Variants in PDE4C observed in about 807,000 individuals in gnomAD.
The protein encoded by PDE4C is 3',5'-cyclic-AMP phosphodiesterase 4C.
In PDE4C, 50 loss-of-function variants were observed where a neutral mutation model predicts 63.9. That is an observed-to-expected ratio of 0.78 (90% CI 0.62 to 0.99). PDE4C has a LOEUF of 0.99. PDE4C is among the 50% of genes least tolerant of loss of function. The pLI, the probability that PDE4C is intolerant of heterozygous loss-of-function variation, is 0.00. For synonymous variants in PDE4C, 377 were observed against 385.1 expected, an observed-to-expected ratio of 0.98 and a Z score of 0.25; for missense variants, 777 against 899.1, an observed-to-expected ratio of 0.86 and a Z score of 1.74.
upstream of PDE4C, chr19:18,250,313 A>G: frequency 2.5e-6 from 1 of 399,082 alleles, no homozygotes; most frequent in Non-Finnish European, 4.4e-6. Flanking sequence ...CTACCTTACC[A>G]TGGACACCTC....
At chr19:18,248,753 G>A (rs1186149634), upstream of PDE4C, among the ~76,000 whole-genome samples, 4 of 152,188 alleles carry the variant, frequency 2.6e-5, no homozygotes, top group East Asian at 3.9e-4. Context: ...GGCTGGGCGC[G>A]GTGGCTCACG....
At position 18,221,251 on chromosome 19, in the gene PDE4C, G is replaced by A. The variant is rs897139729; in HGVS notation, c.375+10C>T. Reference sequence around the variant, plus strand: ...AGGGGGTCAGGGCAGGGAGGGCGGGGGACACCCACCTGGGCAAAGGGCGTC... The same window carrying A: ...AGGGGGTCAGGGCAGGGAGGGCGGGAGACACCCACCTGGGCAAAGGGCGTC... On this transcript the variant is annotated intron_variant, in intron 3 of 14. Coordinates refer to ENST00000262805, the Ensembl canonical transcript of PDE4C. 4.5e-6 allele frequency: 7 copies of A among 1,547,218 alleles called. No homozygotes were observed. The Admixed American group carries it at 1.4e-4, about 32-fold the overall frequency.
intron 1 of PDE4C, among the ~76,000 whole-genome samples, chr19:18,247,214 G>A (rs1388235222): frequency 1.3e-5 from 2 of 152,202 alleles, no homozygotes; most frequent in Non-Finnish European, 2.9e-5. Context: ...TGGACAGTTG[G>A]ATCAGGTCCC....
At chr19:18,214,665 C>A (rs1968111074) in intron 12 of PDE4C, among the ~76,000 whole-genome samples, 1 of 151,816 alleles carries the variant, frequency 6.6e-6, no homozygotes, top group South Asian at 2.1e-4. Flanking sequence ...CCAGATTAAC[C>A]CAGCCGGGCG....
chr19:18,242,530 C>T (rs961027023), intron 1 of PDE4C, among the ~76,000 whole-genome samples: 3 of 146,794 alleles, frequency 2.0e-5, no homozygotes, highest in African/African-American at 5.0e-5. Flanking sequence ...ACCTGTAATC[C>T]CAGCATTTTG....
At chr19:18,247,663 C>G (rs184003460) in intron 1 of PDE4C, among the ~76,000 whole-genome samples, 62 of 152,300 alleles carry the variant, frequency 4.1e-4, no homozygotes, top group African/African-American at 1.3e-3. Context: ...ACCCCCACCC[C>G]CTACTCACTT....
At chr19:18,217,113 T>A in intron 11 of PDE4C, 1 of 478,924 alleles carries the variant, frequency 2.1e-6, no homozygotes, top group Non-Finnish European at 3.7e-6. Flanking sequence ...CTGGGAAGGC[T>A]CCTCATGGAC....
At chr19:18,235,982 G>A (rs774815721), upstream of PDE4C, among the ~76,000 whole-genome samples, 3 of 151,646 alleles carry the variant, frequency 2.0e-5, no homozygotes, top group African/African-American at 2.4e-5. Flanking sequence ...AGATGGAGTC[G>A]CCCAGGCTGG....
At chr19:18,221,055 C>CCCCCCCCCCCCCCCCCCCCCCAGTGA in intron 4 of PDE4C, 50 bp downstream of exon 4, 1 of 763,410 alleles carries the variant, frequency 1.3e-6, no homozygotes, top group Non-Finnish European at 1.8e-6. Context: ...GCTTTCCGCC[C>CCCCCCCCCCCCCCCCCCCCCCAGTGA]ACCTTGTCTC....
At chr19:18,253,917 G>C in the PDE4C span, among the ~76,000 whole-genome samples, 1 of 152,154 alleles carries the variant, frequency 6.6e-6, no homozygotes, top group African/African-American at 2.4e-5. Flanking sequence ...TCAACTCTCT[G>C]CTCCACCCAT....
At chr19:18,236,545 A>C (rs1037679721), upstream of PDE4C, among the ~76,000 whole-genome samples, 4 of 152,106 alleles carry the variant, frequency 2.6e-5, no homozygotes, top group African/African-American at 7.2e-5. Flanking sequence ...TTTAAATGCC[A>C]CTTCTTCCAG....
chr19:18,212,044 G>C (rs1384708507), intron 13 of PDE4C, 103 bp from the exon 14 acceptor site: 50 of 1,183,080 alleles, frequency 4.2e-5, no homozygotes, highest in Non-Finnish European at 5.8e-5. Context: ...TCATCTTACA[G>C]GTGGGGAAAC....
chr19:18,226,495 G>A (rs1271279633), upstream of PDE4C: 3 of 1,224,272 alleles, frequency 2.5e-6, no homozygotes, highest in African/African-American at 1.6e-5. Flanking sequence ...GGGGCCCAGC[G>A]GGGAGGGGGC....
At chr19:18,222,952 C>T (rs1177984288) in intron 1 of PDE4C, among the ~76,000 whole-genome samples, 3 of 151,860 alleles carry the variant, frequency 2.0e-5, no homozygotes, top group Admixed American at 6.6e-5. Context: ...CTCCCAGCTC[C>T]GCCTCCCAAA....
chr19:18,242,424 C>T (rs889557766), intron 1 of PDE4C, among the ~76,000 whole-genome samples: 2 of 130,108 alleles, frequency 1.5e-5, no homozygotes, highest in South Asian at 2.5e-4. Context: ...TGCAGTAAGC[C>T]GAGGTTGCAC....
chr19:18,219,284 T>C (rs758494391), exon 8 of PDE4C: 1 of 1,614,212 alleles, frequency 6.2e-7, no homozygotes, highest in East Asian at 2.2e-5. Flanking sequence ...CGTGGGACAG[T>C]GGCTGAGGAG....
At chr19:18,219,822 C>CAA (rs756859802) in intron 7 of PDE4C, among the ~76,000 whole-genome samples, 3 of 139,768 alleles carry the variant, frequency 2.1e-5, no homozygotes, top group Admixed American at 7.2e-5. Flanking sequence ...AACTCTGTAT[C>CAA]AAAAAAAAAA....
chr19:18,235,853 C>T (rs1322144590), upstream of PDE4C, among the ~76,000 whole-genome samples: 1 of 151,964 alleles, frequency 6.6e-6, no homozygotes, highest in Non-Finnish European at 1.5e-5. Flanking sequence ...TTTATACATT[C>T]TGTTCCTTCT....
intron 1 of PDE4C, among the ~76,000 whole-genome samples, chr19:18,224,954 A>G (rs879637314): frequency 2.0e-5 from 3 of 152,178 alleles, no homozygotes; most frequent in Non-Finnish European, 4.4e-5. Context: ...GGCTCTCCCC[A>G]AGGGTTCCAG....
Sources: allele counts gnomAD v4.1 joint callset (sites outside exome capture counted in the v4.1 genomes callset), GRCh38; gene constraint gnomAD v4.1.1; transcripts MANE v1.5; gene names NCBI Gene and HGNC (gene_info 2026-07-23, HGNC 2026-07-21).